The following VPS54 variants were observed in gnomAD, a reference collection of about 807,000 sequenced individuals.
VPS54 encodes vacuolar protein sorting-associated protein 54.
In VPS54, 45 loss-of-function variants were observed where a neutral mutation model predicts 121.5. The observed-to-expected ratio is 0.37, with a 90% confidence interval of 0.29 to 0.47. The LOEUF (loss-of-function observed/expected upper bound fraction) is 0.47. Ranked by LOEUF, VPS54 falls within the 20% of genes least tolerant of loss-of-function variation. The probability of loss-of-function intolerance (pLI) is 0.99; values close to 1 mark genes in which losing one functional copy is unlikely to be tolerated. For synonymous variants in VPS54, 371 were observed against 385.8 expected (o/e 0.96, Z 0.45); for missense variants, 1,090 against 1,131.4 (o/e 0.96, Z 0.52).
intron 2 of VPS54, among the ~76,000 whole-genome samples, chr2:63,983,204 G>GCAGTGGCCCGATCTCAGCT (rs1676878800): frequency 1.3e-5 from 2 of 149,974 alleles, no homozygotes; most frequent in African/African-American, 2.5e-5. Flanking sequence ...AGGCTGGAGT[G>GCAGTGGCCCGATCTCAGCT]CACTGCAACC....
At chr2:63,994,692 C>A (rs907720973) in intron 1 of VPS54, among the ~76,000 whole-genome samples, 20 of 152,162 alleles carry the variant, frequency 1.3e-4, no homozygotes, top group African/African-American at 4.6e-4. Flanking sequence ...TCCTTTAAGA[C>A]AAATGAAAGG....
At chr2:63,980,393 TCTGC>T (rs1559036857) in intron 3 of VPS54, among the ~76,000 whole-genome samples, 1 of 152,160 alleles carries the variant, frequency 6.6e-6, no homozygotes, top group Non-Finnish European at 1.5e-5. Flanking sequence ...TCTCACAATC[TCTGC>T]CTTTTAATTG....
At chr2:63,975,150 A>T (rs1209566282) in intron 3 of VPS54, 8 of 868,794 alleles carry the variant, frequency 9.2e-6, no homozygotes, top group Admixed American at 2.7e-5. Flanking sequence ...GGTCCAAGTG[A>T]TTCTCATGCC....
At chr2:64,015,373 G>C (rs1467126182) in intron 1 of VPS54, among the ~76,000 whole-genome samples, 1 of 151,980 alleles carries the variant, frequency 6.6e-6, no homozygotes, top group African/African-American at 2.4e-5. Context: ...CAAAGAAATA[G>C]AGTTAGTTGC....
intron 12 of VPS54, among the ~76,000 whole-genome samples, chr2:63,933,159 G>C (rs1227144584): frequency 6.6e-6 from 1 of 152,122 alleles, no homozygotes; most frequent in East Asian, 1.9e-4. Context: ...TAACTTTTCT[G>C]TAAATTTGAA....
chr2:63,934,133 G>T, intron 11 of VPS54, 120 bp from the exon 12 acceptor site: 1 of 826,236 alleles, frequency 1.2e-6, no homozygotes, highest in Non-Finnish European at 1.8e-6. Context: ...TCAAAGTCAT[G>T]TATATCAGAA....
chr2:64,016,485 G>A (rs985713298), intron 1 of VPS54, among the ~76,000 whole-genome samples: 22 of 152,126 alleles, frequency 1.4e-4, no homozygotes, highest in African/African-American at 4.8e-4. Flanking sequence ...CTGGGGGTGG[G>A]GTGAAGAGAA....
chr2:63,956,900 C>T (rs1012638563), intron 7 of VPS54, among the ~76,000 whole-genome samples: 6 of 152,064 alleles, frequency 3.9e-5, no homozygotes, highest in African/African-American at 7.2e-5. Context: ...GAGCAAATAA[C>T]GACACCACAG....
chr2:63,952,759 C>T (rs951447678), intron 7 of VPS54, among the ~76,000 whole-genome samples: 21 of 152,118 alleles, frequency 1.4e-4, no homozygotes, highest in Admixed American at 1.4e-3. Flanking sequence ...TAGAATATTT[C>T]CACCAGTACA....
chr2:63,899,131 T>TA (rs1672562916), intron 21 of VPS54, among the ~76,000 whole-genome samples: 1 of 152,216 alleles, frequency 6.6e-6, no homozygotes, highest in Non-Finnish European at 1.5e-5. Context: ...CACCGTAACA[T>TA]ATTTTGCTAC....
At chr2:63,937,487 G>A (rs1674504816) in intron 11 of VPS54, among the ~76,000 whole-genome samples, 1 of 152,116 alleles carries the variant, frequency 6.6e-6, no homozygotes, top group Admixed American at 6.5e-5. Flanking sequence ...ACAAAATCCA[G>A]AAAATAACAA....
At chr2:63,982,030 C>T (rs1451246294) in intron 2 of VPS54, 143 bp from the exon 3 acceptor site, 2 of 914,058 alleles carry the variant, frequency 2.2e-6, no homozygotes, top group African/African-American at 1.7e-5. Context: ...TAATAAAAAT[C>T]AATCTGATTG....
chr2:63,914,346 T>G (rs1215786560), intron 16 of VPS54, 59 bp from the exon 17 acceptor site: 1 of 1,193,498 alleles, frequency 8.4e-7, no homozygotes, highest in Non-Finnish European at 1.2e-6. Flanking sequence ...CAAAAGGATT[T>G]GGCATATAAA....
chr2:63,955,308 A>G (rs2104543765), intron 7 of VPS54, among the ~76,000 whole-genome samples: 1 of 152,070 alleles, frequency 6.6e-6, no homozygotes, highest in East Asian at 1.9e-4. Context: ...ATTTAGACCT[A>G]ATATTGCTTG....
intron 1 of VPS54, among the ~76,000 whole-genome samples, chr2:64,009,097 T>A (rs1235450600): frequency 6.6e-6 from 1 of 152,196 alleles, no homozygotes; most frequent in African/African-American, 2.4e-5. Context: ...TAAAAAAATT[T>A]TAAATTATGT....
intron 22 of VPS54, among the ~76,000 whole-genome samples, chr2:63,894,793 T>A (rs1285984153): frequency 6.6e-6 from 1 of 151,464 alleles, no homozygotes; most frequent in East Asian, 1.9e-4. Flanking sequence ...TCAGTAAAAA[T>A]GCCTAGTAGA....
intron 14 of VPS54, 73 bp from the exon 15 acceptor site, chr2:63,920,068 G>A: frequency 7.7e-7 from 1 of 1,294,966 alleles, no homozygotes; most frequent in Non-Finnish European, 1.1e-6. Flanking sequence ...TAAAAGAAAA[G>A]GAAGAAGAGC....
chr2:63,990,389 C>T (rs957293067), intron 1 of VPS54, among the ~76,000 whole-genome samples: 1 of 152,162 alleles, frequency 6.6e-6, no homozygotes, highest in African/African-American at 2.4e-5. Context: ...TCCGGAGTCA[C>T]CTAATGGCTC....
chr2:63,895,005 A>G (rs888414548), intron 22 of VPS54, among the ~76,000 whole-genome samples: 1 of 152,200 alleles, frequency 6.6e-6, no homozygotes, highest in African/African-American at 2.4e-5. Flanking sequence ...CTGGAATGCA[A>G]TTTTTTGAAT....
Sources: allele counts gnomAD v4.1 joint callset (sites outside exome capture counted in the v4.1 genomes callset), GRCh38; gene constraint gnomAD v4.1.1; transcripts MANE v1.5; gene names NCBI Gene and HGNC (gene_info 2026-07-23, HGNC 2026-07-21).